The following SENP5 variants were observed in gnomAD, a reference collection of about 807,000 sequenced individuals.
SENP5 encodes the protein sentrin-specific protease 5.
SENP5 carries 21 observed loss-of-function variants against 74.2 expected under a neutral mutation model. The ratio of observed to expected loss-of-function variants is 0.28; its 90% CI spans 0.20 to 0.41. The LOEUF (loss-of-function observed/expected upper bound fraction) is 0.41. SENP5 is among the 10% of genes least tolerant of loss of function. The pLI is 1.00. For synonymous variants in SENP5, 311 were observed against 312.7 expected (o/e 0.99, Z 0.06); for missense variants, 717 against 889.1 (o/e 0.81, Z 2.46).
chr3:196,892,131 C>A (rs1714233857), intron 2 of SENP5, among the ~76,000 whole-genome samples: 1 of 150,438 alleles, frequency 6.6e-6, no homozygotes, highest in African/African-American at 2.5e-5. Flanking sequence ...TACAGGAAAT[C>A]ATTCTTTTTA....
At chr3:196,895,853 G>A (rs1269849178) in intron 2 of SENP5, among the ~76,000 whole-genome samples, 2 of 152,072 alleles carry the variant, frequency 1.3e-5, no homozygotes, top group Non-Finnish European at 1.5e-5. Flanking sequence ...GACACCTCAG[G>A]TTTTGTTTTT....
At position 196,929,627 on chromosome 3, in the gene SENP5, C is replaced by G. The variant is rs1345848564; in HGVS notation, c.2107-6C>G. 1.3e-6 allele frequency: 2 copies of G among 1,575,972 alleles called. No homozygotes were observed. The highest frequency in any genetic ancestry group is 3.5e-5 in the Admixed American group (2 of 57,516). On this transcript the variant is annotated splice_polypyrimidine_tract_variant and splice_region_variant and intron_variant, in intron 8 of 9. Coordinates refer to ENST00000323460, the MANE Select transcript of SENP5 (RefSeq NM_152699.5). ...GTTTTAATGACTATTTTGTTTTTCC[C>G]TTCAGTGTATTCCACAACAGAAAAA...
At chr3:196,925,756 C>A (rs1715788168) in intron 7 of SENP5, among the ~76,000 whole-genome samples, 1 of 152,176 alleles carries the variant, frequency 6.6e-6, no homozygotes. Flanking sequence ...AATAAAAATT[C>A]ATCTTCTGAA....
At position 196,899,745 on chromosome 3, in the gene SENP5, T is replaced by C; in HGVS notation, c.1593T>C (p.Asp531=). 1 of 1,603,680 alleles carries C rather than the reference T, an allele frequency of 6.2e-7. No homozygotes were observed. Among genetic ancestry groups the C allele is most frequent in the Non-Finnish European group, 8.5e-7 (1 of 1,170,680 alleles). ...SEKEVLGRLK[D]VFNEDFSNRK... ...AAGAAGTCCTTGGAAGATTAAAAGA[T>C]GTCTTTAATGAAGACTTTTCTAATA... The change falls in exon 3 of 10, where the codon GAT becomes GAC. Residue 531 remains aspartate, a synonymous_variant. Transcript: ENST00000323460.
intron 6 of SENP5, among the ~76,000 whole-genome samples, chr3:196,919,309 T>C (rs1367653825): frequency 5.9e-5 from 9 of 152,138 alleles, no homozygotes; most frequent in Admixed American, 5.9e-4. Context: ...GGTGAAGCCC[T>C]GTCTCCACTA....
intron 1 of SENP5, among the ~76,000 whole-genome samples, chr3:196,876,222 T>G (rs930123334): frequency 2.0e-5 from 3 of 152,162 alleles, no homozygotes; most frequent in African/African-American, 7.2e-5. Context: ...TTTGATTTAT[T>G]AAATAATTAG....
At position 196,883,358 on chromosome 3, in the gene SENP5, C is replaced by T. The variant is rs556834960; in HGVS notation, c.-31-1793C>T. Among the ~76,000 whole-genome samples the T allele has an allele frequency of 6.6e-5, 10 of 152,200 alleles. 1 individual carries two copies. In the South Asian group the frequency reaches 1.9e-3, roughly 28 times the overall value. On this transcript the variant is annotated intron_variant, in intron 1 of 9. Transcript: ENST00000323460. ...GATCTGTTTTCCCCCAGGGACTAGT[C>T]GCCTTCTTGTGGGTATAGAGCTTCT... is the stretch of plus-strand genomic sequence containing the variant.
At chr3:196,895,653 C>G (rs1220779551) in intron 2 of SENP5, among the ~76,000 whole-genome samples, 1 of 152,100 alleles carries the variant, frequency 6.6e-6, no homozygotes, top group Admixed American at 6.6e-5. Flanking sequence ...TCCCGAGTAG[C>G]TGGGACTACA....
chr3:196,894,710 G>C (rs1306349896), intron 2 of SENP5, among the ~76,000 whole-genome samples: 1 of 151,908 alleles, frequency 6.6e-6, no homozygotes, highest in Non-Finnish European at 1.5e-5. Context: ...GCCTTAATTA[G>C]CGTAGTTTTA....
At chr3:196,907,149 G>C (rs1714933614) in intron 6 of SENP5, among the ~76,000 whole-genome samples, 1 of 152,130 alleles carries the variant, frequency 6.6e-6, no homozygotes, top group South Asian at 2.1e-4. Context: ...CATATAATTG[G>C]ATGCTACTTA....
chr3:196,874,457 A>G (rs1425344710), intron 1 of SENP5, among the ~76,000 whole-genome samples: 1 of 152,064 alleles, frequency 6.6e-6, no homozygotes, highest in Non-Finnish European at 1.5e-5. Context: ...TCGACTTCTC[A>G]ACAACCTTTA....
At chr3:196,876,603 A>G (rs1553818411) in intron 1 of SENP5, among the ~76,000 whole-genome samples, 1 of 151,976 alleles carries the variant, frequency 6.6e-6, no homozygotes, top group Non-Finnish European at 1.5e-5. Flanking sequence ...TTGGAAGACA[A>G]AGTCAGATAG....
chr3:196,897,998 C>A (rs1200294635), intron 2 of SENP5, among the ~76,000 whole-genome samples: 5 of 145,824 alleles, frequency 3.4e-5, no homozygotes, highest in African/African-American at 1.3e-4. Flanking sequence ...ATGGTGAAAC[C>A]CCGTCTCTAC....
chr3:196,931,437 C>G lies in SENP5; in HGVS notation c.*514C>G, dbSNP rs944722797. 1 of 164,436 alleles carries G rather than the reference C, an allele frequency of 6.1e-6. No individual in the cohort carries two copies. Among genetic ancestry groups the G allele is most frequent in the Non-Finnish European group, 1.3e-5 (1 of 76,216 alleles). The allele number at this position is 164,436 out of a possible 1,614,324, so 10.2% of individuals were successfully genotyped here. The stretch of plus-strand genomic sequence containing the variant: ...ACCAGCGGCAACTTTCACCAACTTC[C>G]CTCTCCAAGTGAGTCTTAGAGAGTG... On this transcript the variant is annotated 3_prime_UTR_variant, in exon 10 of 10. Transcript: ENST00000323460.
intron 1 of SENP5, 46 bp from the exon 2 acceptor site, chr3:196,885,105 G>T: frequency 2.6e-6 from 3 of 1,163,418 alleles, no homozygotes; most frequent in Non-Finnish European, 3.7e-6. Context: ...ATGTCTTCAT[G>T]ACCTTATTTT....
chr3:196,931,854 A>G lies in SENP5; in HGVS notation c.*931A>G. 2.3e-6 allele frequency: 1 copy of G among 435,174 alleles called. No homozygotes were observed. Among genetic ancestry groups the G allele is most frequent in the African/African-American group, 2.1e-5 (1 of 48,774 alleles). The allele number at this position is 435,174 out of a possible 1,614,324, so 27.0% of individuals were successfully genotyped here. On this transcript the variant is annotated 3_prime_UTR_variant, in exon 10 of 10. Coordinates refer to ENST00000323460, the MANE Select transcript of SENP5 (RefSeq NM_152699.5). ...GTTTACCAAATGCATTTCTATTTCAAGGGTATCTGAAACGTAAACATTCAA... is the reference window on the plus strand; with the variant it reads ...GTTTACCAAATGCATTTCTATTTCAGGGGTATCTGAAACGTAAACATTCAA...
intron 1 of SENP5, among the ~76,000 whole-genome samples, chr3:196,877,199 TTA>T (rs1560138774): frequency 1.3e-5 from 2 of 152,252 alleles, no homozygotes; most frequent in South Asian, 4.2e-4. Context: ...AAATATTTAT[TTA>T]GAGATGGAGT....
At chr3:196,887,111 G>T (rs953427545) in intron 2 of SENP5, among the ~76,000 whole-genome samples, 2 of 152,034 alleles carry the variant, frequency 1.3e-5, no homozygotes, top group African/African-American at 4.8e-5. Flanking sequence ...TTGCATTTTT[G>T]AGTTTTAAGT....
intron 9 of SENP5, among the ~76,000 whole-genome samples, chr3:196,930,498 C>T (rs1715995653): frequency 6.6e-6 from 1 of 152,184 alleles, no homozygotes; most frequent in African/African-American, 2.4e-5. Flanking sequence ...GTCCCAAACC[C>T]CTGGGCCACG....
Sources: gnomAD v4.1 joint callset for allele counts (sites outside exome capture counted in the v4.1 genomes callset) on GRCh38, gnomAD v4.1.1 for gene constraint, MANE v1.5 for transcripts, NCBI Gene and HGNC (gene_info 2026-07-23, HGNC 2026-07-21) for gene names.